Variants in NSD2 observed in about 807,000 individuals in gnomAD.
The protein encoded by NSD2 is histone-lysine N-methyltransferase NSD2.
NSD2 carries 12 observed loss-of-function variants against 139.0 expected under a neutral mutation model. The ratio of observed to expected loss-of-function variants is 0.09; its 90% CI spans 0.06 to 0.14. The LOEUF is 0.14. NSD2 is among the 10% of genes least tolerant of loss of function. The pLI is 1.00. For synonymous variants in NSD2, 669 were observed against 648.7 expected, an observed-to-expected ratio of 1.03 and a Z score of -0.48; for missense variants, 1,155 against 1,745.0, an observed-to-expected ratio of 0.66 and a Z score of 6.02.
At chr4:1,899,315 TC>T (rs1477128594) in intron 1 of NSD2, 25 of 152,346 alleles carry the variant, frequency 1.6e-4, no homozygotes, top group Non-Finnish European at 3.1e-4. Flanking sequence ...TGTGGACATC[TC>T]GGGCCGCATA....
chr4:1,952,257 T>C (rs376840497), intron 11 of NSD2, 26 bp downstream of exon 11: 1 of 1,611,576 alleles, frequency 6.2e-7, no homozygotes, highest in African/African-American at 1.3e-5. Context: ...CGGGCAGCTC[T>C]GCAGCCTGGC....
chr4:1,901,411 G>A (rs1717159157), intron 2 of NSD2, among the ~76,000 whole-genome samples, 160 bp downstream of exon 2: 1 of 152,190 alleles, frequency 6.6e-6, no homozygotes, highest in Admixed American at 6.5e-5. Context: ...GTTGGAGGGT[G>A]GGCTCCAGGA....
At chr4:1,951,036 G>A (rs746980079) in intron 9 of NSD2, 36 bp from the exon 10 acceptor site, 28 of 1,611,562 alleles carry the variant, frequency 1.7e-5, no homozygotes, top group Middle Eastern at 3.3e-4. Flanking sequence ...TGTGTTCTGC[G>A]ACTAGTGAAC....
intron 3 of NSD2, among the ~76,000 whole-genome samples, chr4:1,915,107 T>TTC (rs1560630193): frequency 2.0e-5 from 3 of 149,410 alleles, no homozygotes; most frequent in African/African-American, 2.5e-5. Flanking sequence ...TTTTCTTTTT[T>TTC]TCTCTTTTTT....
chr4:1,932,497 A>G lies in NSD2; in HGVS notation c.1555+1727A>G, dbSNP rs548473613. ...CGCAGTGGCTCCCGCCTGTAATCCCAGCACTTTGGGAGGCCGAGGTGGGCA... is the reference window on the plus strand; with the variant it reads ...CGCAGTGGCTCCCGCCTGTAATCCCGGCACTTTGGGAGGCCGAGGTGGGCA... On this transcript the variant is annotated intron_variant, in intron 6 of 21. Coordinates refer to ENST00000508803, the MANE Select transcript of NSD2 (RefSeq NM_001042424.3). Among the ~76,000 whole-genome samples, 489 of 151,264 alleles carry G rather than the reference A, an allele frequency of 3.2e-3. 1 individual carries two copies. Among genetic ancestry groups the G allele is most frequent in the African/African-American group, 0.011 (473 of 41,162 alleles).
Position 1,974,586 on chromosome 4 carries a change from G to C in NSD2, c.3373-277G>C. 1.8e-6 allele frequency: 1 copy of C among 561,458 alleles called. No homozygotes were observed. The highest frequency in any genetic ancestry group is 3.4e-5 in the East Asian group (1 of 29,212). 34.8% of individuals were successfully genotyped at this position (561,458 alleles called of 1,614,324 possible). A position where few individuals can be genotyped will look rare whatever the true frequency, so the allele number is the denominator to read the frequency against. On this transcript the variant is annotated intron_variant, in intron 18 of 21. Coordinates refer to ENST00000508803, the MANE Select transcript of NSD2 (RefSeq NM_001042424.3). The surrounding 1 kb of genome is among the most constrained non-coding windows in gnomAD (Gnocchi z 4.0). ...GCTGCTGACCTTAGCTCCCTTGTTTGCCATCATGGAGGATGCTGGGAGCTC... is the reference window on the plus strand; with the variant it reads ...GCTGCTGACCTTAGCTCCCTTGTTTCCCATCATGGAGGATGCTGGGAGCTC...
intron 11 of NSD2, chr4:1,952,969 T>G (rs540808684): frequency 7.0e-7 from 1 of 1,432,738 alleles, no homozygotes; most frequent in African/African-American, 1.4e-5. Flanking sequence ...GAATGATAAG[T>G]GACTGCTCCA....
rs1322982399 is a variant in NSD2 at position 1,938,519 on chromosome 4, C to G, written c.1743C>G (p.Leu581=). 1 of 1,433,828 alleles carries G rather than the reference C, an allele frequency of 7.0e-7. No individual in the cohort carries two copies. The highest frequency in any genetic ancestry group is 1.9e-5 in the Admixed American group (1 of 53,140). The allele number at this position is 1,433,828 out of a possible 1,614,324, so 88.8% of individuals were successfully genotyped here. Residue 581 remains leucine, a synonymous_variant, in exon 8 of 22, where the codon CTC becomes CTG. Coordinates refer to ENST00000508803, the MANE Select transcript of NSD2 (RefSeq NM_001042424.3). ...AGGCCATGGAGGCAGCCTCCTCGCT[C>G]AAGAGCCAGGCAGGTAATGTGGTCA... ...SYKAMEAASS[L]KSQAATKNLS...
chr4:1,917,135 A>G lies in NSD2; in HGVS notation c.927+98A>G, dbSNP rs921440373. On this transcript the variant is annotated intron_variant, in intron 4 of 21. Coordinates refer to ENST00000508803, the MANE Select transcript of NSD2 (RefSeq NM_001042424.3). ...TTTTGAACTTATACTTGCTCGAAAT[A>G]TTGTAATGGCTTAACAATCTCTTTC... 1.3e-5 allele frequency: 15 copies of G among 1,143,720 alleles called. No individual in the cohort carries two copies. The African/African-American group carries it at 2.2e-4, about 17-fold the overall frequency. 70.8% of individuals were successfully genotyped at this position (1,143,720 alleles called of 1,614,324 possible). A position where few individuals can be genotyped will look rare whatever the true frequency, so the allele number is the denominator to read the frequency against.
chr4:1,898,863 T>G (rs1716784701), intron 1 of NSD2, among the ~76,000 whole-genome samples: 1 of 152,062 alleles, frequency 6.6e-6, no homozygotes, highest in Admixed American at 6.6e-5. Context: ...TACAGTTGCT[T>G]CAAACTCTCC....
intron 9 of NSD2, 161 bp downstream of exon 9, chr4:1,939,939 T>C (rs1201512939): frequency 5.4e-6 from 8 of 1,487,616 alleles, no homozygotes; most frequent in African/African-American, 1.4e-5. Context: ...ATTCATGAAA[T>C]GGACAAACAG....
In NSD2 at chr4:1,958,742, G is replaced by A. The variant is rs919066329; in HGVS notation, c.2985+706G>A. On this transcript the variant is annotated intron_variant, in intron 16 of 21. Transcript: ENST00000508803. This position sits in a 1 kb window ranked among gnomAD's most constrained non-coding sequence, Gnocchi z 4.6. ...TCATCTTTATATAATATTTTCTTTG[G>A]GATGGATTCCCAGAAACAGAATCAC... Among the ~76,000 whole-genome samples, 11 of 152,184 alleles carry A rather than the reference G, an allele frequency of 7.2e-5. No individual in the cohort carries two copies. The highest frequency in any genetic ancestry group is 3.2e-3 in the Middle Eastern group (1 of 316).
intron 10 of NSD2, 49 bp from the exon 11 acceptor site, chr4:1,952,059 G>T: frequency 6.2e-7 from 1 of 1,600,286 alleles, no homozygotes; most frequent in Non-Finnish European, 8.5e-7. Context: ...GGTAAGAGGT[G>T]CAGAAGGGAC....
At chr4:1,941,360 G>C in intron 9 of NSD2, 1 of 1,051,544 alleles carries the variant, frequency 9.5e-7, no homozygotes, top group East Asian at 5.4e-5. Context: ...CATGGAGCCT[G>C]CTGAGATCTT....
chr4:1,885,267 C>T (rs549838738), intron 1 of NSD2, among the ~76,000 whole-genome samples: 14 of 152,238 alleles, frequency 9.2e-5, no homozygotes, highest in African/African-American at 3.4e-4. Context: ...TAAGGCATTT[C>T]AGCAAATTAG....
At chr4:1,938,365 G>A (rs1340151628) in intron 7 of NSD2, 86 bp from the exon 8 acceptor site, 4 of 1,010,648 alleles carry the variant, frequency 4.0e-6, no homozygotes, top group East Asian at 6.9e-5. Context: ...TTTTCCTTTT[G>A]TTGTTCTTTT....
At chr4:1,950,064 G>A (rs1724050057) in intron 9 of NSD2, among the ~76,000 whole-genome samples, 2 of 152,170 alleles carry the variant, frequency 1.3e-5, no homozygotes, top group African/African-American at 4.8e-5. Flanking sequence ...CTTTTGCTCT[G>A]TTTCATCTCC....
intron 1 of NSD2, among the ~76,000 whole-genome samples, chr4:1,876,981 C>G (rs1714309912): frequency 6.6e-6 from 1 of 151,116 alleles, no homozygotes; most frequent in South Asian, 2.1e-4. Context: ...ACTAAAAATA[C>G]AAAAAATTAG....
At chr4:1,920,044 G>A (rs1001187893) in intron 5 of NSD2, among the ~76,000 whole-genome samples, 10 of 152,198 alleles carry the variant, frequency 6.6e-5, no homozygotes, top group Admixed American at 1.3e-4. Flanking sequence ...AGTAGTTCAG[G>A]CAGAGATGCA....
Sources: gnomAD v4.1 joint callset for allele counts (sites outside exome capture counted in the v4.1 genomes callset) on GRCh38, gnomAD v4.1.1 for gene constraint, Gnocchi (gnomAD v3.1) non-coding constraint, MANE v1.5 for transcripts, NCBI Gene and HGNC (gene_info 2026-07-23, HGNC 2026-07-21) for gene names.